UTRN: variants seen among roughly 807,000 people sequenced by gnomAD.
UTRN encodes dystrophin-related protein 1.
A neutral mutation model predicts 463.9 loss-of-function variants in UTRN; 283 were observed. The observed-to-expected ratio is 0.61, with a 90% CI of 0.55 to 0.67. UTRN has a LOEUF of 0.67. UTRN is among the 30% of genes least tolerant of loss of function. UTRN has a pLI of 0.00. For missense variants in UTRN, 3,922 were observed against 4,084.3 expected (o/e 0.96, Z 1.08); for synonymous variants, 1,442 against 1,431.5 (o/e 1.01, Z -0.17).
At chr6:144,756,830 G>A (rs949926537) in intron 57 of UTRN, among the ~76,000 whole-genome samples, 2 of 152,024 alleles carry the variant, frequency 1.3e-5, no homozygotes, top group Non-Finnish European at 2.9e-5. Context: ...ATCTGAGCTC[G>A]ACCGTTTATT....
At position 144,409,263 on chromosome 6, in the gene UTRN, T is replaced by C. The variant is rs565797209; in HGVS notation, c.141+6079T>C. 6.6e-5 allele frequency among the ~76,000 whole-genome samples: 10 copies of C among 152,330 alleles called. No homozygotes were observed. In the South Asian group the frequency reaches 1.9e-3, roughly 28 times the overall value. ...GTTTGTAAAATGAACTTCACCTTGG[T>C]TAAAACTAAAAACAAATGATTAAAA... On this transcript the variant is annotated intron_variant, in intron 3 of 74. Coordinates refer to ENST00000367545, the MANE Select transcript of UTRN (RefSeq NM_007124.3).
rs148514437 is a variant in UTRN at position 144,673,305 on chromosome 6, C to G, written c.7480-5101C>G. Among the ~76,000 whole-genome samples, 394 of 152,248 alleles carry G rather than the reference C, an allele frequency of 2.6e-3. 2 individuals are homozygous for G. Among genetic ancestry groups the G allele is most frequent in the African/African-American group, 9.0e-3 (373 of 41,554 alleles). ...TCCCCTACAATTATTGTGTTGCCAT[C>G]TGTCCCATTTCTTAGGTCTAGTAGT... On this transcript the variant is annotated intron_variant, in intron 51 of 74. Transcript: ENST00000367545.
At chr6:144,544,420 C>T (rs1392183004) in intron 46 of UTRN, among the ~76,000 whole-genome samples, 1 of 152,114 alleles carries the variant, frequency 6.6e-6, no homozygotes, top group Non-Finnish European at 1.5e-5. Context: ...TTCCCATTCC[C>T]TCCTACTCCC....
chr6:144,421,412 G>C (rs952720915), intron 3 of UTRN, among the ~76,000 whole-genome samples: 1 of 152,070 alleles, frequency 6.6e-6, no homozygotes, highest in Non-Finnish European at 1.5e-5. Context: ...AATTTGGGCC[G>C]GGTGCAGTGG....
intron 2 of UTRN, chr6:144,311,759 G>T (rs1408100093): frequency 6.6e-6 from 1 of 152,142 alleles, no homozygotes; most frequent in African/African-American, 2.4e-5. Context: ...CAAATATTCT[G>T]CACACTTGGA....
At chr6:144,377,699 G>A (rs551194274) in intron 2 of UTRN, among the ~76,000 whole-genome samples, 1 of 152,282 alleles carries the variant, frequency 6.6e-6, no homozygotes, top group South Asian at 2.1e-4. Flanking sequence ...CCACAGAGTC[G>A]GCTGGCTCCC....
At chr6:144,645,064 G>C (rs541852097) in intron 51 of UTRN, among the ~76,000 whole-genome samples, 22 of 152,098 alleles carry the variant, frequency 1.4e-4, no homozygotes, top group Non-Finnish European at 2.6e-4. Context: ...ATGCACCTGT[G>C]GTGGGCCATA....
chr6:144,479,000 G>A (rs746707947), intron 25 of UTRN, among the ~76,000 whole-genome samples: 3 of 151,858 alleles, frequency 2.0e-5, no homozygotes, highest in East Asian at 1.9e-4. Flanking sequence ...TTTATAGAGC[G>A]GTGTCTTATG....
At chr6:144,493,189 A>G in intron 32 of UTRN, 112 bp from the exon 33 acceptor site, 1 of 962,346 alleles carries the variant, frequency 1.0e-6, no homozygotes, top group South Asian at 2.1e-5. Flanking sequence ...GCCTTTGATC[A>G]CCATAGTTAG....
intron 53 of UTRN, among the ~76,000 whole-genome samples, chr6:144,720,764 G>T (rs1787054708): frequency 6.6e-6 from 1 of 152,026 alleles, no homozygotes; most frequent in Non-Finnish European, 1.5e-5. Context: ...ATGTGTGTTT[G>T]AGAAGGTTGA....
intron 51 of UTRN, among the ~76,000 whole-genome samples, chr6:144,648,703 C>T (rs1778514088): frequency 6.6e-6 from 1 of 152,110 alleles, no homozygotes; most frequent in Non-Finnish European, 1.5e-5. Context: ...AAATCAAGCC[C>T]TAGAATTTTT....
chr6:144,524,348 C>T lies in UTRN; in HGVS notation c.5906+1160C>T, dbSNP rs572335651. ...GACATTTTAAACCCCTGTATTATATCATGAAATTGGTTACTATACCCCTGC... is the reference window on the plus strand; with the variant it reads ...GACATTTTAAACCCCTGTATTATATTATGAAATTGGTTACTATACCCCTGC... On this transcript the variant is annotated intron_variant, in intron 41 of 74. Coordinates refer to ENST00000367545, the MANE Select transcript of UTRN (RefSeq NM_007124.3). Among the ~76,000 whole-genome samples, 4 of 152,048 alleles carry T rather than the reference C, an allele frequency of 2.6e-5. No individual in the cohort carries two copies. The South Asian group carries it at 8.3e-4, about 32-fold the overall frequency.
At position 144,851,944 on chromosome 6, in the gene UTRN, A is replaced by G. The variant is rs1272710142; in HGVS notation, c.*947A>G. On this transcript the variant is annotated 3_prime_UTR_variant, in exon 75 of 75. Coordinates refer to ENST00000367545, the MANE Select transcript of UTRN (RefSeq NM_007124.3). The stretch of plus-strand genomic sequence containing the variant: ...TAGTTCCCATGTCTTGATTTTCATC[A>G]TTACATGCACAGCAGACCTTTACCT... The G allele has an allele frequency of 1.3e-5, 2 of 152,182 alleles. No individual in the cohort carries two copies. Among genetic ancestry groups the G allele is most frequent in the East Asian group, 3.8e-4 (2 of 5,196 alleles). The allele number at this position is 152,182 out of a possible 1,614,324, so 9.4% of individuals were successfully genotyped here.
At chr6:144,655,210 T>A (rs920865069) in intron 51 of UTRN, among the ~76,000 whole-genome samples, 1 of 152,218 alleles carries the variant, frequency 6.6e-6, no homozygotes, top group Non-Finnish European at 1.5e-5. Context: ...TAGATTGAAC[T>A]TTTTGCCCTT....
At chr6:144,375,978 C>A (rs1005095999) in intron 2 of UTRN, among the ~76,000 whole-genome samples, 1 of 151,932 alleles carries the variant, frequency 6.6e-6, no homozygotes, top group Non-Finnish European at 1.5e-5. Flanking sequence ...TTTTTGATAC[C>A]CACTGTCATT....
intron 33 of UTRN, among the ~76,000 whole-genome samples, chr6:144,493,772 C>A (rs1276929236): frequency 6.6e-6 from 1 of 152,010 alleles, no homozygotes; most frequent in East Asian, 1.9e-4. Context: ...GGTTTGAGAC[C>A]AGCCTGGGCA....
intron 34 of UTRN, among the ~76,000 whole-genome samples, chr6:144,502,872 G>C (rs1392515809): frequency 1.3e-5 from 2 of 152,160 alleles, no homozygotes; most frequent in Non-Finnish European, 2.9e-5. Flanking sequence ...CACCAACAGT[G>C]TAAAAGCATT....
At chr6:144,576,852 T>A (rs1432814874) in intron 50 of UTRN, among the ~76,000 whole-genome samples, 1 of 152,162 alleles carries the variant, frequency 6.6e-6, no homozygotes, top group African/African-American at 2.4e-5. Flanking sequence ...TATAATTATT[T>A]TATGATATGG....
At chr6:144,675,787 G>A (rs1361268272) in intron 51 of UTRN, among the ~76,000 whole-genome samples, 1 of 152,096 alleles carries the variant, frequency 6.6e-6, no homozygotes, top group Non-Finnish European at 1.5e-5. Context: ...AATTCTTTTG[G>A]TTTTCCTGGT....
Sources: gnomAD v4.1 joint callset for allele counts (sites outside exome capture counted in the v4.1 genomes callset) on GRCh38, gnomAD v4.1.1 for gene constraint, MANE v1.5 for transcripts, NCBI Gene and HGNC (gene_info 2026-07-23, HGNC 2026-07-21) for gene names.